The following DENND2B variants were observed in gnomAD, a reference collection of about 807,000 sequenced individuals.
The protein encoded by DENND2B is DENN domain containing 2B.
A neutral mutation model predicts 116.0 loss-of-function variants in DENND2B; 32 were observed. The ratio of observed to expected loss-of-function variants is 0.28; its 90% CI spans 0.21 to 0.37. DENND2B has a LOEUF of 0.37. Ranked by LOEUF, DENND2B falls within the 10% of genes least tolerant of loss-of-function variation. The pLI is 1.00. For missense variants in DENND2B, 1,276 were observed against 1,477.7 expected (o/e 0.86, Z 2.24); for synonymous variants, 588 against 583.9 (o/e 1.01, Z -0.10).
At chr11:8,713,582 A>G (rs2044169924) in intron 8 of DENND2B, among the ~76,000 whole-genome samples, 1 of 152,112 alleles carries the variant, frequency 6.6e-6, no homozygotes, top group Non-Finnish European at 1.5e-5. Flanking sequence ...GGGTTTCACC[A>G]TCTTAGCCAG....
upstream of DENND2B, among the ~76,000 whole-genome samples, chr11:8,812,466 T>A (rs532097602): frequency 1.3e-5 from 2 of 152,348 alleles, no homozygotes; most frequent in East Asian, 3.9e-4. Flanking sequence ...AGGATTGGCA[T>A]TATTATACTA....
chr11:8,715,461 T>G (rs563175349), intron 6 of DENND2B, 142 bp downstream of exon 6: 3 of 776,610 alleles, frequency 3.9e-6, no homozygotes, highest in East Asian at 5.4e-5. Context: ...AAGAGGCCAG[T>G]GCACGGACCC....
chr11:8,855,480 T>C lies in DENND2B; in HGVS notation c.-156+1863A>G, dbSNP rs187897505. 1.6e-3 allele frequency among the ~76,000 whole-genome samples: 238 copies of C among 151,314 alleles called. 2 individuals carry two copies. Among genetic ancestry groups the C allele is most frequent in the Non-Finnish European group, 4.4e-4 (30 of 67,738 alleles). ...CTAGAGAGGCTGCTCATCTGCATCA[T>C]TCATTCTAAGAAAACAAGACACCAA... is the stretch of plus-strand genomic sequence containing the variant. On this transcript the variant is annotated intron_variant, in intron 3 of 6. Coordinates refer to the DENND2B transcript ENST00000524757.
At chr11:8,832,171 G>A (rs998491477) in intron 4 of DENND2B, among the ~76,000 whole-genome samples, 4 of 151,596 alleles carry the variant, frequency 2.6e-5, no homozygotes, top group Admixed American at 6.6e-5. Flanking sequence ...CCAACACCTC[G>A]GCCAGGCACA....
chr11:8,824,853 A>ATTTTTTT (rs371924172), intron 4 of DENND2B, among the ~76,000 whole-genome samples: 8 of 130,238 alleles, frequency 6.1e-5, no homozygotes, highest in Non-Finnish European at 7.9e-5. Flanking sequence ...ACACCCAGCT[A>ATTTTTTT]TTTTTTTTTT....
At chr11:8,776,339 C>T in intron 1 of DENND2B, 1 of 421,352 alleles carries the variant, frequency 2.4e-6, no homozygotes, top group South Asian at 1.7e-5. Flanking sequence ...AAGGCCCAGG[C>T]CAAGGTCCCC....
At chr11:8,710,420 G>A (rs1254686317) in intron 11 of DENND2B, among the ~76,000 whole-genome samples, 1 of 152,092 alleles carries the variant, frequency 6.6e-6, no homozygotes, top group Non-Finnish European at 1.5e-5. Flanking sequence ...GGCTGGCCAG[G>A]TATGGGGGTG....
chr11:8,821,044 C>A (rs2061741213), intron 4 of DENND2B, among the ~76,000 whole-genome samples: 2 of 151,076 alleles, frequency 1.3e-5, no homozygotes, highest in African/African-American at 4.9e-5. Flanking sequence ...CTGCTTGAAC[C>A]AGGAGGCAGA....
intron 1 of DENND2B, among the ~76,000 whole-genome samples, chr11:8,807,073 C>A (rs1235815485): frequency 6.6e-6 from 1 of 152,188 alleles, no homozygotes; most frequent in Admixed American, 6.5e-5. Flanking sequence ...CATGCAGAGG[C>A]ACAGAAGGAA....
At chr11:8,836,114 G>A (rs571783772) in intron 4 of DENND2B, among the ~76,000 whole-genome samples, 10 of 150,952 alleles carry the variant, frequency 6.6e-5, no homozygotes, top group South Asian at 2.1e-4. Context: ...TTGGGAGGCC[G>A]AGGTTGGTGG....
chr11:8,908,823 CT>C (rs2064271757), intron 1 of DENND2B, among the ~76,000 whole-genome samples: 1 of 152,080 alleles, frequency 6.6e-6, no homozygotes, highest in African/African-American at 2.4e-5. Flanking sequence ...TTTTATTCTC[CT>C]TTAGTCTGAT....
intron 1 of DENND2B, among the ~76,000 whole-genome samples, chr11:8,881,660 T>G (rs911178596): frequency 4.6e-5 from 7 of 152,144 alleles, no homozygotes; most frequent in Admixed American, 4.6e-4. Context: ...CTCAGCCTCC[T>G]GAGTAGCTGG....
At chr11:8,817,558 AG>A in intron 4 of DENND2B, among the ~76,000 whole-genome samples, 1 of 152,208 alleles carries the variant, frequency 6.6e-6, no homozygotes. Flanking sequence ...GCTCTGAACT[AG>A]GGAAGTGTGG....
chr11:8,764,942 C>CAAAAAAAAAAAA (rs35421038), intron 1 of DENND2B, among the ~76,000 whole-genome samples: 2 of 100,290 alleles, frequency 2.0e-5, no homozygotes, highest in Non-Finnish European at 3.9e-5. Context: ...GAGACTGTCT[C>CAAAAAAAAAAAA]AAAAAAAAAA....
chr11:8,730,266 C>A lies in DENND2B; in HGVS notation c.1024G>T (p.Ala342Ser). The change falls in exon 3 of 20, where the codon GCT becomes TCT. Residue 342 changes from alanine to serine, a missense_variant. Around this residue, in one of 2 missense-constraint regions of DENND2B, gnomAD observed 856 missense variants for 846.6 expected, o/e 1.01. Coordinates refer to ENST00000313726, the MANE Select transcript of DENND2B (RefSeq NM_213618.2). The surrounding 1 kb of genome is among the most constrained non-coding windows in gnomAD (Gnocchi z 4.1). Reference protein sequence around the residue: ...VSAGSRAVGVAGVAGEAGPPP... With the variant: ...VSAGSRAVGVSGVAGEAGPPP... ...GGGCCCGCCTCCCCCGCAACACCAG[C>A]CACTCCGACTGCCCGGCTGCCAGCG... 1 of 1,611,024 alleles carries A rather than the reference C, an allele frequency of 6.2e-7. No homozygotes were observed. The highest frequency in any genetic ancestry group is 8.5e-7 in the Non-Finnish European group (1 of 1,179,428).
In DENND2B at chr11:8,712,414, A is replaced by G; in HGVS notation, c.2172+137T>C. ...AGCCCTGTCTTCCCTCCTGGCTGAGAGGAGGCAGGTTCAGGGCTGTGGCAG... is the reference window on the plus strand; with the variant it reads ...AGCCCTGTCTTCCCTCCTGGCTGAGGGGAGGCAGGTTCAGGGCTGTGGCAG... On this transcript the variant is annotated intron_variant, in intron 9 of 19. Coordinates refer to ENST00000313726, the MANE Select transcript of DENND2B (RefSeq NM_213618.2). The surrounding 1 kb of genome is among the most constrained non-coding windows in gnomAD (Gnocchi z 4.4). The G allele has an allele frequency of 1.0e-6, 1 of 981,602 alleles. No homozygotes were observed. The highest frequency in any genetic ancestry group is 1.5e-6 in the Non-Finnish European group (1 of 681,792). 60.8% of individuals were successfully genotyped at this position (981,602 alleles called of 1,614,324 possible).
At chr11:8,787,888 A>G (rs1347832785) in intron 1 of DENND2B, among the ~76,000 whole-genome samples, 3 of 152,216 alleles carry the variant, frequency 2.0e-5, no homozygotes, top group Non-Finnish European at 4.4e-5. Flanking sequence ...AAGCTCTCCA[A>G]AACTCTGACA....
chr11:8,737,698 TCCTC>T (rs962092932), intron 2 of DENND2B, among the ~76,000 whole-genome samples: 3 of 151,710 alleles, frequency 2.0e-5, no homozygotes, highest in African/African-American at 4.8e-5. Flanking sequence ...TCTCCTTCCT[TCCTC>T]CCTCCCTCCT....
chr11:8,744,235 G>A (rs2134006949), intron 2 of DENND2B, among the ~76,000 whole-genome samples: 1 of 151,612 alleles, frequency 6.6e-6, no homozygotes, highest in South Asian at 2.1e-4. Flanking sequence ...CTGGGTTCAA[G>A]GGATTCTCCT....
Sources: gnomAD v4.1 joint callset for allele counts (sites outside exome capture counted in the v4.1 genomes callset) on GRCh38, gnomAD v4.1.1 for gene constraint, gnomAD v4.1.1 regional missense constraint, Gnocchi (gnomAD v3.1) non-coding constraint, MANE v1.5 for transcripts, NCBI Gene and HGNC (gene_info 2026-07-23, HGNC 2026-07-21) for gene names.